SHISA6: variants seen among roughly 807,000 people sequenced by gnomAD.
The protein encoded by SHISA6 is protein shisa-6.
A neutral mutation model predicts 47.9 loss-of-function variants in SHISA6; 22 were observed. The ratio of observed to expected loss-of-function variants is 0.46; its 90% confidence interval spans 0.33 to 0.66. The LOEUF (loss-of-function observed/expected upper bound fraction) is 0.66, where lower values mean the gene tolerates loss of function less well. SHISA6 is among the 30% of genes least tolerant of loss of function. SHISA6 has a pLI of 0.02. For missense variants in SHISA6, 680 were observed against 764.6 expected, an observed-to-expected ratio of 0.89 and a Z score of 1.30; for synonymous variants, 388 against 337.8, an observed-to-expected ratio of 1.15 and a Z score of -1.63.
At chr17:11,363,604 A>G (rs568426925) in intron 2 of SHISA6, among the ~76,000 whole-genome samples, 2 of 152,310 alleles carry the variant, frequency 1.3e-5, no homozygotes, top group Non-Finnish European at 2.9e-5. Context: ...GTTGGGGTGC[A>G]AATAAAAGTT....
rs1349085636 is a variant in SHISA6 at position 11,380,939 on chromosome 17, T to C, written c.895+1430T>C. On this transcript the variant is annotated intron_variant, in intron 3 of 5. Transcript: ENST00000441885. ...GCATGGTGCCTGGATTTCCTCAGGG[T>C]GGGTAATCAGAGAAGGAGAAAGACA... Among the ~76,000 whole-genome samples, 6 of 152,016 alleles carry C rather than the reference T, an allele frequency of 3.9e-5. No individual in the cohort carries two copies. The East Asian group carries it at 9.6e-4, about 24-fold the overall frequency.
chr17:11,482,354 A>C (rs1916243209), intron 3 of SHISA6, among the ~76,000 whole-genome samples: 1 of 152,234 alleles, frequency 6.6e-6, no homozygotes, highest in African/African-American at 2.4e-5. Context: ...CCGTAACATA[A>C]GTTTATGTAA....
intron 3 of SHISA6, among the ~76,000 whole-genome samples, chr17:11,405,026 G>C (rs182622587): frequency 2.6e-4 from 40 of 152,166 alleles, no homozygotes; most frequent in African/African-American, 9.6e-4. Flanking sequence ...AACTTTATCT[G>C]CAGAGCGAGA....
intron 3 of SHISA6, among the ~76,000 whole-genome samples, chr17:11,492,796 G>A (rs2071375524): frequency 6.6e-6 from 1 of 152,118 alleles, no homozygotes; most frequent in African/African-American, 2.4e-5. Flanking sequence ...TCATGCTCAA[G>A]AAGTCTTAGG....
chr17:11,400,474 T>C (rs1023898776), intron 3 of SHISA6, among the ~76,000 whole-genome samples: 1 of 152,162 alleles, frequency 6.6e-6, no homozygotes, highest in Non-Finnish European at 1.5e-5. Flanking sequence ...CTTCAATACA[T>C]CCTTTGACTT....
chr17:11,495,039 C>T (rs577635830), intron 3 of SHISA6, among the ~76,000 whole-genome samples: 2 of 152,260 alleles, frequency 1.3e-5, no homozygotes, highest in Non-Finnish European at 2.9e-5. Context: ...TTTCCTGAGA[C>T]ATGGGACTTC....
chr17:11,311,360 T>G (rs1910337020), intron 2 of SHISA6, among the ~76,000 whole-genome samples: 1 of 152,104 alleles, frequency 6.6e-6, no homozygotes, highest in Non-Finnish European at 1.5e-5. Context: ...AGTATTTTCT[T>G]TGGAATCTTT....
intron 2 of SHISA6, among the ~76,000 whole-genome samples, chr17:11,324,897 G>C (rs1910824816): frequency 6.6e-6 from 1 of 152,062 alleles, no homozygotes; most frequent in Admixed American, 6.5e-5. Context: ...GCACAGCGAG[G>C]GCCGGGTCTC....
At chr17:11,425,653 T>C (rs1241630538) in intron 3 of SHISA6, among the ~76,000 whole-genome samples, 1 of 152,140 alleles carries the variant, frequency 6.6e-6, no homozygotes, top group Non-Finnish European at 1.5e-5. Flanking sequence ...TACATCCAGT[T>C]TTAGGCAACA....
intron 3 of SHISA6, among the ~76,000 whole-genome samples, chr17:11,520,030 A>G (rs374594338): frequency 2.0e-5 from 3 of 150,526 alleles, no homozygotes; most frequent in African/African-American, 7.4e-5. Context: ...CTGTGTACAC[A>G]CTGTTCTTTT....
chr17:11,353,233 C>T (rs917460180), intron 2 of SHISA6, among the ~76,000 whole-genome samples: 14 of 152,038 alleles, frequency 9.2e-5, no homozygotes, highest in South Asian at 2.1e-4. Flanking sequence ...CCGAGGCTGG[C>T]GGATCACGAG....
At chr17:11,332,804 A>G (rs205035) in intron 2 of SHISA6, among the ~76,000 whole-genome samples, 112,853 of 152,036 alleles carry the variant, frequency 0.74, 42,017 homozygotes, top group South Asian at 0.8. Context: ...CAATTCCAAT[A>G]AATTAGTGGG....
chr17:11,313,623 G>A (rs77814748), intron 2 of SHISA6, among the ~76,000 whole-genome samples: 32,533 of 152,024 alleles, frequency 0.21, 3,575 homozygotes, highest in Non-Finnish European at 0.24. Context: ...CTTTTGGGAA[G>A]CCCTCCCTGG....
rs76159699 is a variant in SHISA6, at chr17:11,312,340, C to T, written c.799+48814C>T. Among the ~76,000 whole-genome samples the T allele has an allele frequency of 6.2e-3, 948 of 151,918 alleles. 3 individuals carry two copies. The highest frequency in any genetic ancestry group is 0.01 in the Non-Finnish European group (701 of 67,928). ...CTATGAATTTCCTTCTTATAACAAC[C>T]CTTTTCACATTTTGTAATTTTTGCT... is the stretch of plus-strand genomic sequence containing the variant. On this transcript the variant is annotated intron_variant, in intron 2 of 5. Coordinates refer to ENST00000441885, the MANE Select transcript of SHISA6 (RefSeq NM_207386.4).
At chr17:11,419,602 C>A (rs1914394085) in intron 3 of SHISA6, among the ~76,000 whole-genome samples, 1 of 152,090 alleles carries the variant, frequency 6.6e-6, no homozygotes, top group Non-Finnish European at 1.5e-5. Context: ...GCAAAGATTT[C>A]TTGAATAAAG....
At chr17:11,350,173 TA>T (rs1308885086) in intron 2 of SHISA6, among the ~76,000 whole-genome samples, 4,702 of 109,508 alleles carry the variant, frequency 0.043, 122 homozygotes, top group East Asian at 0.11. Context: ...TTTATTTATT[TA>T]TTTATTTATT....
intron 2 of SHISA6, among the ~76,000 whole-genome samples, chr17:11,328,327 G>A (rs923499742): frequency 1.1e-4 from 17 of 152,116 alleles, no homozygotes. Context: ...TTCCCTAATG[G>A]TTGCTTTGTT....
chr17:11,530,610 G>A (rs963487879), intron 3 of SHISA6, among the ~76,000 whole-genome samples: 1 of 152,156 alleles, frequency 6.6e-6, no homozygotes, highest in African/African-American at 2.4e-5. Context: ...CAGAGAAATG[G>A]CATGCTTCCT....
intron 1 of SHISA6, among the ~76,000 whole-genome samples, chr17:11,257,916 G>C (rs1231987065): frequency 6.6e-6 from 1 of 152,120 alleles, no homozygotes; most frequent in Non-Finnish European, 1.5e-5. Flanking sequence ...TTCCTAGACT[G>C]TCTACATATT....
Sources: gnomAD v4.1 joint callset for allele counts (sites outside exome capture counted in the v4.1 genomes callset) on GRCh38, gnomAD v4.1.1 for gene constraint, MANE v1.5 for transcripts, NCBI Gene and HGNC (gene_info 2026-07-23, HGNC 2026-07-21) for gene names.